The following FAF1 variants were observed in gnomAD, a reference collection of about 807,000 sequenced individuals.
FAF1 encodes FAS-associated factor 1.
FAF1 carries 25 observed loss-of-function variants against 92.5 expected under a neutral mutation model. That is an observed-to-expected ratio of 0.27 (90% CI 0.20 to 0.38). FAF1 has a LOEUF of 0.38. Among genes scored for constraint, FAF1 ranks in the 10% least tolerant of loss-of-function variants. The pLI, the probability that FAF1 is intolerant of heterozygous loss-of-function variation, is 1.00. For synonymous variants in FAF1, 234 were observed against 273.2 expected (o/e 0.86, Z 1.42); for missense variants, 636 against 793.3 (o/e 0.80, Z 2.38).
intron 1 of FAF1, among the ~76,000 whole-genome samples, chr1:50,928,850 A>G (rs978186685): frequency 6.7e-6 from 1 of 150,178 alleles, no homozygotes; most frequent in Non-Finnish European, 1.5e-5. Flanking sequence ...TAATCCCAGC[A>G]CTTTGGGAGG....
At chr1:50,959,689 G>A in intron 1 of FAF1, 78 bp downstream of exon 1, 20 of 1,297,174 alleles carry the variant, frequency 1.5e-5, no homozygotes, top group Non-Finnish European at 2.2e-5. Context: ...GCGTTCAAAC[G>A]CTGGGAAGAA....
intron 8 of FAF1, among the ~76,000 whole-genome samples, chr1:50,641,934 G>T (rs965303242): frequency 6.6e-6 from 1 of 152,026 alleles, no homozygotes; most frequent in African/African-American, 2.4e-5. Flanking sequence ...CAGGCGCGGG[G>T]GCTCATGCTT....
chr1:50,794,299 T>C (rs1661667068), intron 3 of FAF1, among the ~76,000 whole-genome samples: 2 of 152,016 alleles, frequency 1.3e-5, no homozygotes, highest in Non-Finnish European at 2.9e-5. Context: ...AGAGAAAAAA[T>C]GATTATGTAA....
intron 4 of FAF1, among the ~76,000 whole-genome samples, chr1:50,787,715 T>C (rs1283466465): frequency 6.6e-6 from 1 of 152,212 alleles, no homozygotes; most frequent in Non-Finnish European, 1.5e-5. Context: ...TGTACTTGAT[T>C]AGGGTATTTT....
In FAF1 at chr1:50,807,070, T is replaced by G. The variant is rs1238074183; in HGVS notation, c.115-5393A>C. ...AATGGCTGAAACGAAAGAAACAGAA[T>G]TGAAAGTATAAATAGAAACAAAAAT... On this transcript the variant is annotated intron_variant, in intron 2 of 18. Coordinates refer to ENST00000396153, the MANE Select transcript of FAF1 (RefSeq NM_007051.3). Among the ~76,000 whole-genome samples, 32 of 152,038 alleles carry G rather than the reference T, an allele frequency of 2.1e-4. 1 individual carries two copies. The highest frequency in any genetic ancestry group is 2.9e-5 in the Non-Finnish European group (2 of 68,004).
At chr1:50,489,260 C>T (rs1453412123) in intron 17 of FAF1, among the ~76,000 whole-genome samples, 1 of 152,184 alleles carries the variant, frequency 6.6e-6, no homozygotes, top group Non-Finnish European at 1.5e-5. Flanking sequence ...CAGCACAGGT[C>T]TTCTTCAAAA....
intron 2 of FAF1, among the ~76,000 whole-genome samples, chr1:50,815,881 G>C (rs2124611787): frequency 6.6e-6 from 1 of 152,136 alleles, no homozygotes; most frequent in South Asian, 2.1e-4. Flanking sequence ...AAAGAAGTTA[G>C]CCAGGCATGG....
At chr1:50,561,482 T>C (rs753548284) in intron 13 of FAF1, among the ~76,000 whole-genome samples, 5 of 152,176 alleles carry the variant, frequency 3.3e-5, no homozygotes, top group Non-Finnish European at 5.9e-5. Context: ...CTTGCTATTT[T>C]TCAATAAGCC....
At position 50,437,185 on chromosome 1, in the gene FAF1, G is replaced by T. The variant is rs2148969616; in HGVS notation, c.*4255C>A. On this transcript the variant is annotated 3_prime_UTR_variant, in exon 19 of 19. Coordinates refer to ENST00000396153, the MANE Select transcript of FAF1 (RefSeq NM_007051.3). ...CTAAATGCAGAGATATTCAAGGCAA[G>T]AAAGTCTAGTGATTGTATTTCATCC... 6.6e-6 allele frequency: 1 copy of T among 152,310 alleles called. No homozygotes were observed. Among genetic ancestry groups the T allele is most frequent in the South Asian group, 2.1e-4 (1 of 4,822 alleles). 9.4% of individuals were successfully genotyped at this position (152,310 alleles called of 1,614,324 possible).
intron 1 of FAF1, among the ~76,000 whole-genome samples, chr1:50,888,986 T>A (rs1644695117): frequency 6.6e-6 from 1 of 152,174 alleles, no homozygotes; most frequent in African/African-American, 2.4e-5. Flanking sequence ...TCTGAATCCA[T>A]CTGGTCCCGG....
At chr1:50,538,741 A>G (rs1648615465) in intron 14 of FAF1, among the ~76,000 whole-genome samples, 1 of 152,176 alleles carries the variant, frequency 6.6e-6, no homozygotes, top group Non-Finnish European at 1.5e-5. Context: ...TATGCAAATC[A>G]GTTCCCCTGG....
intron 13 of FAF1, among the ~76,000 whole-genome samples, chr1:50,540,733 CATA>C (rs1408838817): frequency 6.6e-6 from 1 of 152,024 alleles, no homozygotes; most frequent in South Asian, 2.1e-4. Flanking sequence ...AAGTAAATGT[CATA>C]ATAATAATGA....
intron 15 of FAF1, among the ~76,000 whole-genome samples, chr1:50,519,462 G>A (rs1647392892): frequency 6.8e-6 from 1 of 147,336 alleles, no homozygotes; most frequent in Non-Finnish European, 1.5e-5. Context: ...AGGGAGGGAA[G>A]GAAGGAAGGA....
chr1:50,952,770 G>A (rs1463070343), intron 1 of FAF1, among the ~76,000 whole-genome samples: 1 of 151,906 alleles, frequency 6.6e-6, no homozygotes, highest in African/African-American at 2.4e-5. Flanking sequence ...ACCCCGTCTG[G>A]GAGGTGAGGA....
intron 8 of FAF1, among the ~76,000 whole-genome samples, chr1:50,608,696 T>C (rs1455298275): frequency 6.6e-6 from 1 of 152,184 alleles, no homozygotes; most frequent in East Asian, 1.9e-4. Flanking sequence ...ACGAAGTATC[T>C]GGAAAAATGT....
chr1:50,452,154 G>A (rs372339241), intron 18 of FAF1: 49 of 1,348,774 alleles, frequency 3.6e-5, no homozygotes, highest in African/African-American at 2.4e-4. Flanking sequence ...TACAAAGAAC[G>A]AGAACAGGCA....
chr1:50,463,900 G>C (rs1004218238), intron 18 of FAF1, among the ~76,000 whole-genome samples: 13 of 152,216 alleles, frequency 8.5e-5, no homozygotes, highest in African/African-American at 3.1e-4. Flanking sequence ...TGGATGTTTG[G>C]TCACATTTCC....
chr1:50,788,005 G>A lies in FAF1; in HGVS notation c.362C>T (p.Thr121Ile). The A allele has an allele frequency of 2.5e-6, 4 of 1,612,624 alleles. No individual in the cohort carries two copies. The highest frequency in any genetic ancestry group is 3.4e-6 in the Non-Finnish European group (4 of 1,178,682). Residue 121 changes from threonine (T) to isoleucine (I), a missense_variant, in exon 4 of 19, where the codon ACT becomes ATT. This residue lies in a region of FAF1 where 317 missense variants were observed against 342.4 expected (regional missense o/e 0.93). Transcript: ENST00000396153. ...TATGGCAGGAAAAACCTTACCAACA[G>A]TACAGGTGTCTTCAAGTACCACATC... ...NVDVVLEDTC[T>I]VGEIKQILEN...
At chr1:50,462,758 T>C (rs1646448571) in intron 18 of FAF1, among the ~76,000 whole-genome samples, 1 of 152,166 alleles carries the variant, frequency 6.6e-6, no homozygotes, top group African/African-American at 2.4e-5. Flanking sequence ...ACAGGTTGAT[T>C]GGTGCTTGTT....
Sources: allele counts gnomAD v4.1 joint callset (sites outside exome capture counted in the v4.1 genomes callset), GRCh38; gene constraint gnomAD v4.1.1; regional missense constraint gnomAD v4.1.1; transcripts MANE v1.5; gene names NCBI Gene and HGNC (gene_info 2026-07-23, HGNC 2026-07-21).